ITCH: variants seen among roughly 807,000 people sequenced by gnomAD.
ITCH encodes the protein itchy E3 ubiquitin protein ligase, also known as E3 ubiquitin-protein ligase Itchy homolog.
A neutral mutation model predicts 126.8 loss-of-function variants in ITCH; 28 were observed. The ratio of observed to expected loss-of-function variants is 0.22; its 90% CI spans 0.16 to 0.30. The LOEUF is 0.30. Among genes scored for constraint, ITCH ranks in the 10% least tolerant of loss-of-function variants. ITCH has a pLI of 1.00. For missense variants in ITCH, 631 were observed against 1,032.4 expected, an observed-to-expected ratio of 0.61 and a Z score of 5.33; for synonymous variants, 342 against 340.0, an observed-to-expected ratio of 1.01 and a Z score of -0.06.
At chr20:34,449,613 T>A (rs1340275834) in intron 12 of ITCH, 133 bp downstream of exon 12, 48 of 668,536 alleles carry the variant, frequency 7.2e-5, no homozygotes, top group Non-Finnish European at 9.5e-5. Flanking sequence ...AGTTTTTTTT[T>A]AATATATATA....
intron 6 of ITCH, among the ~76,000 whole-genome samples, chr20:34,415,862 G>A (rs532254762): frequency 6.6e-6 from 1 of 152,098 alleles, no homozygotes; most frequent in Admixed American, 6.5e-5. Context: ...GGTGGCTCAC[G>A]CCTGTAATCC....
intron 22 of ITCH, 99 bp from the exon 23 acceptor site, chr20:34,492,401 TA>T (rs1005672152): frequency 1.8e-4 from 144 of 811,390 alleles, no homozygotes; most frequent in Middle Eastern, 7.3e-4. Context: ...ACCTCACCTC[TA>T]AAAAAAATAA....
intron 4 of ITCH, among the ~76,000 whole-genome samples, chr20:34,411,572 G>C (rs1256497311): frequency 6.6e-6 from 1 of 152,156 alleles, no homozygotes; most frequent in Non-Finnish European, 1.5e-5. Context: ...GGAATTTTTA[G>C]TTTGTTTTAT....
chr20:34,456,919 GA>G (rs985108865), intron 12 of ITCH, among the ~76,000 whole-genome samples: 328 of 140,814 alleles, frequency 2.3e-3, no homozygotes, highest in African/African-American at 5.3e-3. Flanking sequence ...ATGTAGTATG[GA>G]AAAAAAAAAA....
At chr20:34,451,185 G>A (rs1985176328) in intron 12 of ITCH, among the ~76,000 whole-genome samples, 1 of 151,976 alleles carries the variant, frequency 6.6e-6, no homozygotes, top group South Asian at 2.1e-4. Context: ...AGCTGCTCAG[G>A]AGGCTGAGGC....
intron 16 of ITCH, among the ~76,000 whole-genome samples, chr20:34,472,472 T>C (rs1651685872): frequency 6.6e-6 from 1 of 151,932 alleles, no homozygotes; most frequent in African/African-American, 2.4e-5. Context: ...GTTAAAATGA[T>C]TGTGTTATGT....
At chr20:34,381,600 GT>G (rs967231933) in intron 2 of ITCH, among the ~76,000 whole-genome samples, 4 of 151,932 alleles carry the variant, frequency 2.6e-5, no homozygotes, top group Non-Finnish European at 5.9e-5. Context: ...CTAATTTTTT[GT>G]TTTTTTAGTA....
intron 20 of ITCH, among the ~76,000 whole-genome samples, chr20:34,487,532 T>G (rs1346454704): frequency 1.3e-5 from 2 of 152,238 alleles, no homozygotes; most frequent in Admixed American, 6.5e-5. Flanking sequence ...TTAGCTCTTC[T>G]GTTGGTTTTT....
At chr20:34,499,828 TA>T (rs1477359681) in intron 23 of ITCH, among the ~76,000 whole-genome samples, 4 of 152,176 alleles carry the variant, frequency 2.6e-5, no homozygotes, top group Non-Finnish European at 5.9e-5. Flanking sequence ...TTTATTGCTA[TA>T]ACATTACCTT....
intron 20 of ITCH, among the ~76,000 whole-genome samples, chr20:34,488,455 C>T (rs546551098): frequency 6.6e-6 from 1 of 152,248 alleles, no homozygotes; most frequent in South Asian, 2.1e-4. Flanking sequence ...TGGTTCGTGC[C>T]TGTAATCCCA....
intron 17 of ITCH, among the ~76,000 whole-genome samples, 166 bp from the exon 18 acceptor site, chr20:34,479,464 C>G (rs1234323606): frequency 2.6e-5 from 4 of 152,134 alleles, no homozygotes; most frequent in Non-Finnish European, 5.9e-5. Flanking sequence ...ATACTACCAA[C>G]TCTGTGAAAC....
intron 16 of ITCH, chr20:34,476,581 T>A: frequency 1.5e-6 from 1 of 676,958 alleles, no homozygotes; most frequent in Non-Finnish European, 2.0e-6. Flanking sequence ...TGTAGAATAC[T>A]TGGCATAAAC....
At chr20:34,378,944 G>T (rs2037949824) in intron 2 of ITCH, among the ~76,000 whole-genome samples, 1 of 152,124 alleles carries the variant, frequency 6.6e-6, no homozygotes, top group African/African-American at 2.4e-5. Flanking sequence ...TAATTTTTTA[G>T]TATATGTGCT....
At chr20:34,473,530 A>G (rs1175867151) in intron 16 of ITCH, among the ~76,000 whole-genome samples, 1 of 152,238 alleles carries the variant, frequency 6.6e-6, no homozygotes, top group Non-Finnish European at 1.5e-5. Flanking sequence ...AGCTCAGGAC[A>G]GAGAAACACA....
At chr20:34,432,840 C>T (rs538132364) in intron 7 of ITCH, among the ~76,000 whole-genome samples, 2 of 152,054 alleles carry the variant, frequency 1.3e-5, no homozygotes, top group African/African-American at 4.8e-5. Flanking sequence ...ACCTGTAGTC[C>T]CAACTACACA....
chr20:34,405,989 C>T (rs927857317), intron 3 of ITCH, among the ~76,000 whole-genome samples: 2 of 151,634 alleles, frequency 1.3e-5, no homozygotes, highest in Non-Finnish European at 2.9e-5. Context: ...TTTCATGTTT[C>T]CACTTAGATG....
At chr20:34,476,453 G>A (rs755076419) in intron 16 of ITCH, 41 of 1,217,080 alleles carry the variant, frequency 3.4e-5, no homozygotes, top group South Asian at 4.0e-5. Flanking sequence ...CGCAGCAGCC[G>A]GGCGCCCCCA....
At chr20:34,497,443 C>G (rs1989963206) in intron 23 of ITCH, among the ~76,000 whole-genome samples, 1 of 152,194 alleles carries the variant, frequency 6.6e-6, no homozygotes, top group Non-Finnish European at 1.5e-5. Context: ...TGTTGTATAT[C>G]TTGAAGTCCA....
intron 14 of ITCH, among the ~76,000 whole-genome samples, chr20:34,463,130 AG>A (rs1397026842): frequency 1.3e-5 from 2 of 152,220 alleles, no homozygotes; most frequent in African/African-American, 4.8e-5. Flanking sequence ...TGGGAGGCCA[AG>A]GCAGGCGGAT....
Sources: allele counts gnomAD v4.1 joint callset (sites outside exome capture counted in the v4.1 genomes callset), GRCh38; gene constraint gnomAD v4.1.1; transcripts MANE v1.5; gene names NCBI Gene and HGNC (gene_info 2026-07-23, HGNC 2026-07-21).